Variants in CHRNA3 observed in about 807,000 individuals in gnomAD.
CHRNA3 encodes the protein neuronal acetylcholine receptor subunit alpha-3.
A neutral mutation model predicts 41.9 loss-of-function variants in CHRNA3; 34 were observed. That is an observed-to-expected ratio of 0.81 (90% confidence interval 0.62 to 1.08). The LOEUF is 1.08. CHRNA3 is among the 50% of genes least tolerant of loss of function. CHRNA3 has a pLI of 0.00. For missense variants in CHRNA3, 542 were observed against 638.3 expected (o/e 0.85, Z 1.63); for synonymous variants, 281 against 265.2 (o/e 1.06, Z -0.58).
intron 4 of CHRNA3, among the ~76,000 whole-genome samples, chr15:78,612,081 G>A (rs558972462): frequency 4.1e-4 from 62 of 152,110 alleles, no homozygotes; most frequent in Non-Finnish European, 7.7e-4. Flanking sequence ...ACAAACAAAT[G>A]GAAGAACATT....
chr15:78,619,377 C>G (rs981367343), intron 1 of CHRNA3: 2 of 162,342 alleles, frequency 1.2e-5, no homozygotes, highest in East Asian at 1.8e-4. Context: ...TTGTTTCTGC[C>G]GGGTGGGGGT....
At chr15:78,602,291 G>A in intron 4 of CHRNA3, 27 bp from the exon 5 acceptor site, 1 of 1,602,586 alleles carries the variant, frequency 6.2e-7, no homozygotes, top group Non-Finnish European at 8.5e-7. Flanking sequence ...GGGGCACAGT[G>A]ACACACGGTC....
At chr15:78,618,686 A>C (rs1460971359) in intron 2 of CHRNA3, 25 bp from the exon 3 acceptor site, 1 of 1,612,752 alleles carries the variant, frequency 6.2e-7, no homozygotes, top group African/African-American at 1.4e-5. Context: ...TAAAGTTGAC[A>C]GGAGAATTAC....
chr15:78,601,532 C>A lies in CHRNA3; in HGVS notation c.1110G>T (p.Arg370Ser). 6.2e-7 allele frequency: 1 copy of A among 1,614,152 alleles called. No homozygotes were observed. Among genetic ancestry groups the A allele is most frequent in the Non-Finnish European group, 8.5e-7 (1 of 1,180,036 alleles). Residue 370 changes from arginine to serine, a missense_variant, in exon 5 of 6, where the codon AGG becomes AGT. Transcript: ENST00000326828. ...TSNEGNAQKP[R>S]PLYGAELSNL... Reference sequence around the variant, plus strand: ...TTGAGAGCTCGGCACCGTAGAGGGGCCTCGGCTTCTGAGCGTTGCCCTCGT... The same window carrying A: ...TTGAGAGCTCGGCACCGTAGAGGGGACTCGGCTTCTGAGCGTTGCCCTCGT...
rs1282002502 is a variant in CHRNA3 at position 78,596,333 on chromosome 15, A to G, written c.*271T>C. On this transcript the variant is annotated 3_prime_UTR_variant, in exon 6 of 6. Coordinates refer to ENST00000326828, the MANE Select transcript of CHRNA3 (RefSeq NM_000743.5). ...TAAAAGGAAACATTTTTACATGTAT[A>G]TTCCATAGCATAGCATACTAATCAC... 8 of 1,061,774 alleles carry G rather than the reference A, an allele frequency of 7.5e-6. No individual in the cohort carries two copies. The African/African-American group carries it at 1.3e-4, about 18-fold the overall frequency. The allele number at this position is 1,061,774 out of a possible 1,614,324, so 65.8% of individuals were successfully genotyped here.
intron 3 of CHRNA3, among the ~76,000 whole-genome samples, chr15:78,617,916 C>T (rs3825845): frequency 0.27 from 40,316 of 151,974 alleles, 6,023 homozygotes; most frequent in East Asian, 0.46. Context: ...TCTACTCCCA[C>T]GCTACCAACA....
Position 78,620,761 on chromosome 15 carries a change from G to A in CHRNA3, c.34C>T (p.Leu12=). 1 of 1,497,838 alleles carries A rather than the reference G, an allele frequency of 6.7e-7. No individual in the cohort carries two copies. The highest frequency in any genetic ancestry group is 8.8e-7 in the Non-Finnish European group (1 of 1,130,398). 92.8% of individuals were successfully genotyped at this position (1,497,838 alleles called of 1,614,324 possible). The part of the protein sequence containing the change: ...GSGPLSLPLA[L]SPPRLLLLLL... Reference sequence around the variant, plus strand: ...AGCAGCAGCAGCCGCGGCGGCGACAGCGCCAGGGGCAGCGAGAGCGGGCCA... The same window carrying A: ...AGCAGCAGCAGCCGCGGCGGCGACAACGCCAGGGGCAGCGAGAGCGGGCCA... The change falls in exon 1 of 6, where the codon CTG becomes TTG. Residue 12 remains leucine, a synonymous_variant. Transcript: ENST00000326828.
Position 78,601,934 on chromosome 15 carries a change from G to T in CHRNA3, c.708C>A (p.Tyr236Ter). 1 of 1,609,530 alleles carries T rather than the reference G, an allele frequency of 6.2e-7. No homozygotes were observed. The highest frequency in any genetic ancestry group is 8.5e-7 in the Non-Finnish European group (1 of 1,178,042). The change falls in exon 5 of 6, where the codon TAC becomes TAA. Residue 236 changes from tyrosine to a stop codon, truncating the protein, a stop_gained. Coordinates refer to ENST00000326828, the MANE Select transcript of CHRNA3 (RefSeq NM_000743.5). LOFTEE classifies it high-confidence loss of function. ...TGTAGAACAAGGGCAGGCGCCGGAT[G>T]TACAGCGAGTATGTGATGTCGGGGT... ...EIYPDITYSL[Y>*]IRRLPLFYTI...
rs138882801 is a variant in CHRNA3 at position 78,605,951 on chromosome 15, C to G, written c.378-3687G>C. Among the ~76,000 whole-genome samples the G allele has an allele frequency of 4.3e-4, 65 of 152,230 alleles. No individual in the cohort carries two copies. The East Asian group carries it at 5.0e-3, about 12-fold the overall frequency. ...TAACTACCGTCTTCTCCTATTCCCC[C>G]CAAGAACTTGCCCTAAAAGTAAAGC... On this transcript the variant is annotated intron_variant, in intron 4 of 5. Transcript: ENST00000326828.
chr15:78,603,120 G>C lies in CHRNA3; in HGVS notation c.378-856C>G, dbSNP rs957246299. Among the ~76,000 whole-genome samples, 11 of 152,176 alleles carry C rather than the reference G, an allele frequency of 7.2e-5. No individual in the cohort carries two copies. In the South Asian group the frequency reaches 2.3e-3, roughly 32 times the overall value. On this transcript the variant is annotated intron_variant, in intron 4 of 5. Coordinates refer to ENST00000326828, the MANE Select transcript of CHRNA3 (RefSeq NM_000743.5). The stretch of plus-strand genomic sequence containing the variant: ...TCTCTGTCTCCCGGGGTTCAAGCAA[G>C]TCTCCTGCTCAGCCTCCTGAGTAGC...
At chr15:78,606,333 C>CAAA (rs56305942) in intron 4 of CHRNA3, among the ~76,000 whole-genome samples, 2,644 of 127,344 alleles carry the variant, frequency 0.021, 39 homozygotes, top group Non-Finnish European at 0.029. Context: ...GAAGATGTCT[C>CAAA]AAAAAAAAAA....
At chr15:78,604,816 C>G (rs1282431189) in intron 4 of CHRNA3, among the ~76,000 whole-genome samples, 1 of 152,098 alleles carries the variant, frequency 6.6e-6, no homozygotes, top group Admixed American at 6.5e-5. Flanking sequence ...AGTTTGAGAC[C>G]AGCCTGGTCA....
Position 78,595,337 on chromosome 15 carries a change from A to G in CHRNA3, c.*1267T>C. ...AATTCTGTCCATTTTATTTTTGCACAGGAAAAACTAGTGAGACAAGATTCA... is the reference window on the plus strand; with the variant it reads ...AATTCTGTCCATTTTATTTTTGCACGGGAAAAACTAGTGAGACAAGATTCA... On this transcript the variant is annotated 3_prime_UTR_variant, in exon 6 of 6. Coordinates refer to ENST00000326828, the MANE Select transcript of CHRNA3 (RefSeq NM_000743.5). 6.1e-6 allele frequency: 6 copies of G among 976,924 alleles called. No individual in the cohort carries two copies. Among genetic ancestry groups the G allele is most frequent in the Non-Finnish European group, 7.2e-6 (6 of 828,320 alleles). The allele number at this position is 976,924 out of a possible 1,614,324, so 60.5% of individuals were successfully genotyped here.
chr15:78,619,019 G>A, intron 1 of CHRNA3, 104 bp from the exon 2 acceptor site: 2 of 1,315,134 alleles, frequency 1.5e-6, no homozygotes, highest in Non-Finnish European at 2.1e-6. Flanking sequence ...TCCACCTGTG[G>A]GGGGATTCTG....
intron 5 of CHRNA3, among the ~76,000 whole-genome samples, chr15:78,599,150 A>AT (rs969516588): frequency 1.2e-4 from 18 of 151,432 alleles, no homozygotes; most frequent in African/African-American, 2.4e-4. Context: ...TGATTTTTAA[A>AT]TTTTTTTTGT....
At chr15:78,610,341 C>G (rs1380450172) in intron 4 of CHRNA3, among the ~76,000 whole-genome samples, 1 of 152,172 alleles carries the variant, frequency 6.6e-6, no homozygotes, top group African/African-American at 2.4e-5. Context: ...CACTCCTCAG[C>G]AAATGTAAAA....
intron 5 of CHRNA3, among the ~76,000 whole-genome samples, chr15:78,597,162 C>T (rs758176107): frequency 6.6e-6 from 1 of 152,190 alleles, no homozygotes; most frequent in East Asian, 1.9e-4. Context: ...CGCAGTGGCT[C>T]ACGCCTGTAA....
chr15:78,620,386 G>GGGCAGCGCGGGGCAGGGCGACT, intron 1 of CHRNA3: 2 of 337,362 alleles, frequency 5.9e-6, no homozygotes, highest in Non-Finnish European at 1.1e-5. Context: ...GCAGGGCGAC[G>GGGCAGCGCGGGGCAGGGCGACT]GGCAGCGCGG....
intron 5 of CHRNA3, among the ~76,000 whole-genome samples, 155 bp downstream of exon 5, chr15:78,601,098 G>A (rs1018851652): frequency 2.0e-5 from 3 of 151,986 alleles, no homozygotes; most frequent in Non-Finnish European, 4.4e-5. Flanking sequence ...GAGAGGTGAG[G>A]TAACATACCC....
Sources: allele counts gnomAD v4.1 joint callset (sites outside exome capture counted in the v4.1 genomes callset), GRCh38; gene constraint gnomAD v4.1.1; transcripts MANE v1.5; gene names NCBI Gene and HGNC (gene_info 2026-07-23, HGNC 2026-07-21).